The following XKR6 variants were observed in gnomAD, a reference collection of about 807,000 sequenced individuals.
XKR6 encodes the protein XK-related protein 6.
A neutral mutation model predicts 56.7 loss-of-function variants in XKR6; 22 were observed. That is an observed-to-expected ratio of 0.39 (90% CI 0.28 to 0.55). The LOEUF (loss-of-function observed/expected upper bound fraction) is 0.55, where lower values mean the gene tolerates loss of function less well. Ranked by LOEUF, XKR6 falls within the 20% of genes least tolerant of loss-of-function variation. The pLI is 0.66. For synonymous variants in XKR6, 524 were observed against 387.8 expected (o/e 1.35, Z -4.13); for missense variants, 852 against 889.0 (o/e 0.96, Z 0.53).
chr8:11,087,035 A>G (rs760410634), intron 1 of XKR6, among the ~76,000 whole-genome samples: 5 of 152,164 alleles, frequency 3.3e-5, no homozygotes, highest in South Asian at 2.1e-4. Flanking sequence ...GTGGGCAAGT[A>G]GAATCAATTA....
intron 1 of XKR6, among the ~76,000 whole-genome samples, chr8:10,986,992 G>A (rs548427806): frequency 4.0e-5 from 6 of 151,684 alleles, no homozygotes; most frequent in Admixed American, 6.6e-5. Context: ...GTCTCACTAC[G>A]TTGCACAGGC....
intron 1 of XKR6, among the ~76,000 whole-genome samples, chr8:10,953,253 G>T (rs1801782321): frequency 6.6e-6 from 1 of 152,200 alleles, no homozygotes; most frequent in Non-Finnish European, 1.5e-5. Flanking sequence ...AAAGGTTGGG[G>T]ATTGCTGGTT....
At chr8:10,951,153 G>A (rs574950450) in intron 1 of XKR6, among the ~76,000 whole-genome samples, 1 of 152,240 alleles carries the variant, frequency 6.6e-6, no homozygotes, top group Non-Finnish European at 1.5e-5. Context: ...GGAGGCCACA[G>A]CACCCCAGGT....
intron 1 of XKR6, among the ~76,000 whole-genome samples, chr8:11,065,591 T>A (rs979149985): frequency 2.0e-5 from 3 of 152,160 alleles, no homozygotes; most frequent in African/African-American, 4.8e-5. Context: ...TTTTTTTTTT[T>A]ATCCTGGGAA....
At chr8:10,929,770 G>A (rs997348759) in intron 1 of XKR6, among the ~76,000 whole-genome samples, 1 of 152,226 alleles carries the variant, frequency 6.6e-6, no homozygotes, top group Non-Finnish European at 1.5e-5. Context: ...CCATGCCTGT[G>A]AGCACAGACA....
At chr8:10,945,892 C>T (rs751010590) in intron 1 of XKR6, among the ~76,000 whole-genome samples, 2 of 152,140 alleles carry the variant, frequency 1.3e-5, no homozygotes, top group African/African-American at 2.4e-5. Flanking sequence ...CCTTCCCTCT[C>T]CTGTCCCCAA....
intron 1 of XKR6, among the ~76,000 whole-genome samples, chr8:10,995,495 TATATACACACACAC>T (rs1798090376): frequency 6.8e-6 from 1 of 147,514 alleles, no homozygotes. Context: ...CATATATATA[TATATACACACACAC>T]ATATACACAC....
At chr8:11,102,369 T>A (rs575004846) in intron 1 of XKR6, among the ~76,000 whole-genome samples, 1 of 152,242 alleles carries the variant, frequency 6.6e-6, no homozygotes, top group South Asian at 2.1e-4. Flanking sequence ...GTGCCTGAAG[T>A]CTAGTAAGCA....
chr8:11,040,827 AG>A (rs1477714513), intron 1 of XKR6, among the ~76,000 whole-genome samples: 1 of 152,196 alleles, frequency 6.6e-6, no homozygotes, highest in African/African-American at 2.4e-5. Context: ...CTCTGGCTGT[AG>A]CTAATGGCCT....
At chr8:11,158,107 C>G (rs1248744918) in intron 1 of XKR6, among the ~76,000 whole-genome samples, 1 of 152,138 alleles carries the variant, frequency 6.6e-6, no homozygotes, top group Non-Finnish European at 1.5e-5. Context: ...ACCCAACTTG[C>G]TACATTCAAG....
At position 10,938,900 on chromosome 8, in the gene XKR6, G is replaced by A. The variant is rs150075513; in HGVS notation, c.765-14070C>T. Reference sequence around the variant, plus strand: ...AAAGAATCTTAAATTTTTAAAAAATGTAAAGAAAAAGAATACAAAATTACT... The same window carrying A: ...AAAGAATCTTAAATTTTTAAAAAATATAAAGAAAAAGAATACAAAATTACT... On this transcript the variant is annotated intron_variant, in intron 1 of 2. Transcript: ENST00000416569. 7.2e-5 allele frequency among the ~76,000 whole-genome samples: 11 copies of A among 152,240 alleles called. No homozygotes were observed. In the East Asian group the frequency reaches 1.5e-3, roughly 21 times the overall value.
At chr8:11,083,800 A>G (rs986653905) in intron 1 of XKR6, among the ~76,000 whole-genome samples, 2 of 152,220 alleles carry the variant, frequency 1.3e-5, no homozygotes, top group African/African-American at 4.8e-5. Context: ...TCAGGAAGTG[A>G]TTTGAATGTA....
intron 1 of XKR6, among the ~76,000 whole-genome samples, chr8:11,071,735 T>G (rs949487561): frequency 5.9e-5 from 9 of 152,238 alleles, no homozygotes; most frequent in African/African-American, 2.2e-4. Context: ...TTGTTTGTTA[T>G]GATGGTCTTA....
At chr8:11,112,836 C>G (rs1053783269) in intron 1 of XKR6, among the ~76,000 whole-genome samples, 5 of 152,132 alleles carry the variant, frequency 3.3e-5, no homozygotes, top group Non-Finnish European at 7.3e-5. Flanking sequence ...ATAATTCTCC[C>G]TATCATTACA....
intron 1 of XKR6, among the ~76,000 whole-genome samples, chr8:11,116,932 G>C (rs1426423956): frequency 1.3e-5 from 2 of 152,098 alleles, no homozygotes; most frequent in African/African-American, 2.4e-5. Context: ...AATCCTCAGA[G>C]GTATATTTCA....
intron 2 of XKR6, among the ~76,000 whole-genome samples, chr8:10,906,445 A>G (rs1350308957): frequency 1.3e-5 from 2 of 152,256 alleles, no homozygotes; most frequent in Non-Finnish European, 2.9e-5. Context: ...TATCAGTCAG[A>G]ATTAAATACC....
At chr8:10,901,229 T>C (rs1221474324) in intron 2 of XKR6, among the ~76,000 whole-genome samples, 1 of 152,036 alleles carries the variant, frequency 6.6e-6, no homozygotes, top group Non-Finnish European at 1.5e-5. Flanking sequence ...GTAATTTTTG[T>C]ATTTTTAGTA....
chr8:10,942,523 A>C (rs1801414515), intron 1 of XKR6, among the ~76,000 whole-genome samples: 1 of 152,188 alleles, frequency 6.6e-6, no homozygotes, highest in East Asian at 1.9e-4. Flanking sequence ...TGGCCTCCAC[A>C]GGGAGGCAGA....
intron 1 of XKR6, among the ~76,000 whole-genome samples, chr8:10,947,691 C>A (rs1385237219): frequency 5.3e-5 from 8 of 152,218 alleles, no homozygotes; most frequent in Non-Finnish European, 4.4e-5. Context: ...GTTTTGCCTG[C>A]ATCTTCTCCC....
Sources: allele counts gnomAD v4.1 joint callset (sites outside exome capture counted in the v4.1 genomes callset), GRCh38; gene constraint gnomAD v4.1.1; transcripts MANE v1.5; gene names NCBI Gene and HGNC (gene_info 2026-07-23, HGNC 2026-07-21).